SERAC1: variants seen among roughly 807,000 people sequenced by gnomAD.
The protein encoded by SERAC1 is protein SERAC1.
In SERAC1, 36 loss-of-function variants were observed where a neutral mutation model predicts 85.7. The observed-to-expected ratio is 0.42, with a 90% confidence interval of 0.32 to 0.55. SERAC1 has a LOEUF of 0.55. SERAC1 is among the 20% of genes least tolerant of loss of function. The pLI, the probability that SERAC1 is intolerant of heterozygous loss-of-function variation, is 0.11. For missense variants in SERAC1, 629 were observed against 796.2 expected (o/e 0.79, Z 2.53); for synonymous variants, 242 against 265.3 (o/e 0.91, Z 0.85).
chr6:158,111,550 T>G, intron 16 of SERAC1, 48 bp from the exon 17 acceptor site: 1 of 1,459,412 alleles, frequency 6.9e-7, no homozygotes, highest in Non-Finnish European at 9.2e-7. Context: ...ATATAAGCTT[T>G]CCCCTTGACA....
chr6:158,114,845 G>C lies in SERAC1; in HGVS notation c.1628C>G (p.Ser543Cys). Reference sequence around the variant, plus strand: ...GAAGAGAAGATAGCGAATATTAACAGAGTATTCAGCCAAACGTGATCCATG... The same window carrying C: ...GAAGAGAAGATAGCGAATATTAACACAGTATTCAGCCAAACGTGATCCATG... ...PHHGSRLAEY[S>C]VNIRYLLFPS... The change falls in exon 15 of 17, where the codon TCT becomes TGT. Residue 543 changes from serine (S) to cysteine (C), a missense_variant. Ser to Cys is a moderately radical substitution (Grantham distance 112, BLOSUM62 -1). Coordinates refer to ENST00000647468, the MANE Select transcript of SERAC1 (RefSeq NM_032861.4). 6.2e-7 allele frequency: 1 copy of C among 1,614,008 alleles called. No individual in the cohort carries two copies. The highest frequency in any genetic ancestry group is 8.5e-7 in the Non-Finnish European group (1 of 1,179,976).
intron 6 of SERAC1, 128 bp downstream of exon 6, chr6:158,146,654 A>C (rs1307300338): frequency 2.6e-6 from 3 of 1,132,148 alleles, no homozygotes; most frequent in Non-Finnish European, 3.8e-6. Context: ...TTGTGATCCA[A>C]CCAGCGTGGC....
At chr6:158,114,486 G>T in intron 15 of SERAC1, 1 of 1,140,928 alleles carries the variant, frequency 8.8e-7, no homozygotes, top group Non-Finnish European at 1.1e-6. Context: ...GGGGAAAAAA[G>T]CCATTTATTG....
chr6:158,111,598 C>G, intron 16 of SERAC1, 96 bp from the exon 17 acceptor site: 1 of 963,496 alleles, frequency 1.0e-6, no homozygotes, highest in Admixed American at 3.2e-5. Context: ...CTAGACATTG[C>G]TTTGGTTGTG....
chr6:158,155,339 T>C lies in SERAC1; in HGVS notation c.104A>G (p.Lys35Arg), dbSNP rs1562458727. 6.4e-7 allele frequency: 1 copy of C among 1,553,014 alleles called. No homozygotes were observed. The highest frequency in any genetic ancestry group is 1.1e-5 in the South Asian group (1 of 89,250). The change falls in exon 3 of 17, where the codon AAG becomes AGG. Residue 35 changes from lysine (K) to arginine (R), a missense_variant. Coordinates refer to ENST00000647468, the MANE Select transcript of SERAC1 (RefSeq NM_032861.4). Reference protein sequence around the residue: ...THWRDIRNIIKFTGSLILGGS... With the variant: ...THWRDIRNIIRFTGSLILGGS... ...CCCTAAAATAAGTGATCCAGTAAAC[T>C]TTATTATATTTCCTTCAAAAGAAAA...
chr6:158,149,559 T>C (rs1034380262), intron 4 of SERAC1, among the ~76,000 whole-genome samples: 1 of 152,122 alleles, frequency 6.6e-6, no homozygotes, highest in African/African-American at 2.4e-5. Context: ...TTTTGCAATA[T>C]CCAGGAAAAT....
Position 158,117,811 on chromosome 6 carries a change from G to A in SERAC1, c.1319C>T (p.Ala440Val), listed in dbSNP as rs746917023. ...AATTCGGAGAGCAGGACAGTCTTTT[G>A]CTAACCATGTCTAAGTAAAATAAAA... is the stretch of plus-strand genomic sequence containing the variant. ...YTTCWPKTWL[A>V]KDCPALRIIS... The change falls in exon 13 of 17, where the codon GCA becomes GTA. Residue 440 changes from alanine (A) to valine (V), a missense_variant. Transcript: ENST00000647468. The surrounding 1 kb of genome is among the most constrained non-coding windows in gnomAD (Gnocchi z 4.3). 2.7e-5 allele frequency: 43 copies of A among 1,613,238 alleles called. No homozygotes were observed. The highest frequency in any genetic ancestry group is 3.6e-5 in the Non-Finnish European group (43 of 1,179,280).
At chr6:158,166,891 T>C (rs772123916) in intron 1 of SERAC1, among the ~76,000 whole-genome samples, 38 of 152,132 alleles carry the variant, frequency 2.5e-4, no homozygotes, top group South Asian at 1.0e-3. Context: ...CATCACCAAA[T>C]GGTACTTATT....
At chr6:158,149,727 T>C (rs1392348863) in intron 4 of SERAC1, among the ~76,000 whole-genome samples, 3 of 152,106 alleles carry the variant, frequency 2.0e-5, no homozygotes, top group Admixed American at 1.3e-4. Flanking sequence ...CAAAATGATA[T>C]AATAACAAAT....
At chr6:158,130,302 C>CA in intron 9 of SERAC1, 71 bp downstream of exon 9, 1 of 834,718 alleles carries the variant, frequency 1.2e-6, no homozygotes, top group South Asian at 2.4e-5. Flanking sequence ...ATTGCCCTTG[C>CA]AAAAATCAAC....
chr6:158,136,941 C>T (rs1272535255), intron 8 of SERAC1, among the ~76,000 whole-genome samples: 2 of 152,112 alleles, frequency 1.3e-5, no homozygotes, highest in South Asian at 2.1e-4. Flanking sequence ...AGGCGGATCA[C>T]GAGGTCAAGA....
In SERAC1 at chr6:158,117,569, ACTC is replaced by A; in HGVS notation, c.1403+155_1403+157del. On this transcript the variant is annotated intron_variant, in intron 13 of 16. Transcript: ENST00000647468. The surrounding 1 kb of genome is among the most constrained non-coding windows in gnomAD (Gnocchi z 4.3). Reference sequence around the variant, plus strand: ...CTATTCCACTGCTTATTGACAGCAAACTCCTTCTAGAAGGAAGACAAAAAAGAT... The same window carrying A: ...CTATTCCACTGCTTATTGACAGCAAACTTCTAGAAGGAAGACAAAAAAGAT... The A allele has an allele frequency of 1.3e-6, 2 of 1,551,262 alleles. No individual in the cohort carries two copies. Among genetic ancestry groups the A allele is most frequent in the Non-Finnish European group, 8.7e-7 (1 of 1,147,048 alleles).
chr6:158,109,609 C>T lies in SERAC1; in HGVS notation c.*1757G>A, dbSNP rs1784096168. The T allele has an allele frequency of 6.6e-6, 1 of 152,130 alleles. No individual in the cohort carries two copies. The highest frequency in any genetic ancestry group is 2.1e-4 in the South Asian group (1 of 4,830). 9.4% of individuals were successfully genotyped at this position (152,130 alleles called of 1,614,324 possible). The stretch of plus-strand genomic sequence containing the variant: ...ACTATCTCATTCTACAAAAGTTCAC[C>T]ATCTTCAAAATTTAAACATAGACTT... On this transcript the variant is annotated 3_prime_UTR_variant, in exon 17 of 17. Transcript: ENST00000647468.
chr6:158,125,432 A>G (rs779953361), intron 10 of SERAC1, among the ~76,000 whole-genome samples: 1 of 152,212 alleles, frequency 6.6e-6, no homozygotes, highest in Non-Finnish European at 1.5e-5. Flanking sequence ...CAAGACACCA[A>G]TGGCCAGAAC....
intron 15 of SERAC1, 121 bp from the exon 16 acceptor site, chr6:158,113,713 C>T: frequency 1.1e-6 from 1 of 899,744 alleles, no homozygotes; most frequent in Non-Finnish European, 1.7e-6. Flanking sequence ...GGCTTGAGTA[C>T]ACATGTTTAT....
chr6:158,118,962 A>G, intron 12 of SERAC1, 67 bp downstream of exon 12: 6 of 1,541,380 alleles, frequency 3.9e-6, no homozygotes, highest in Non-Finnish European at 5.3e-6. Context: ...AAAAACAAGC[A>G]AGCCACAATC....
chr6:158,162,479 G>A (rs1429134089), intron 1 of SERAC1, among the ~76,000 whole-genome samples: 1 of 152,140 alleles, frequency 6.6e-6, no homozygotes, highest in African/African-American at 2.4e-5. Flanking sequence ...TCAAGATTTG[G>A]TATGCTCCTT....
intron 8 of SERAC1, among the ~76,000 whole-genome samples, chr6:158,139,913 T>C (rs140875604): frequency 1.2e-3 from 180 of 152,278 alleles, no homozygotes; most frequent in African/African-American, 4.0e-3. Flanking sequence ...CACAATGGGA[T>C]GGCTAGAATA....
At chr6:158,139,599 C>A (rs928249389) in intron 8 of SERAC1, among the ~76,000 whole-genome samples, 10 of 152,198 alleles carry the variant, frequency 6.6e-5, no homozygotes, top group Non-Finnish European at 2.9e-5. Context: ...GTGGCTCACA[C>A]CTGTAGCCTC....
Sources: allele counts gnomAD v4.1 joint callset (sites outside exome capture counted in the v4.1 genomes callset), GRCh38; gene constraint gnomAD v4.1.1; non-coding constraint Gnocchi (gnomAD v3.1); transcripts MANE v1.5; gene names NCBI Gene and HGNC (gene_info 2026-07-23, HGNC 2026-07-21).